TAGLN2: variants seen among roughly 807,000 people sequenced by gnomAD.
TAGLN2 encodes the protein transgelin 2, also known as transgelin-2.
A neutral mutation model predicts 24.9 loss-of-function variants in TAGLN2; 14 were observed. The ratio of observed to expected loss-of-function variants is 0.56; its 90% confidence interval spans 0.37 to 0.88. The LOEUF (loss-of-function observed/expected upper bound fraction) is 0.88, where lower values mean the gene tolerates loss of function less well. Among genes scored for constraint, TAGLN2 ranks in the 40% least tolerant of loss-of-function variants. The pLI, the probability that TAGLN2 is intolerant of heterozygous loss-of-function variation, is 0.00. For missense variants in TAGLN2, 208 were observed against 258.9 expected (o/e 0.80, Z 1.35); for synonymous variants, 77 against 98.2 (o/e 0.78, Z 1.28).
chr1:159,923,296 G>T, intron 1 of TAGLN2: 1 of 952,036 alleles, frequency 1.1e-6, no homozygotes, highest in Non-Finnish European at 1.5e-6. Flanking sequence ...GGATGGACTG[G>T]CAGGGAGCAA....
At chr1:159,919,465 C>T (rs1571201573) in intron 3 of TAGLN2, 89 bp from the exon 4 acceptor site, 2 of 1,434,474 alleles carry the variant, frequency 1.4e-6, no homozygotes, top group East Asian at 2.3e-5. Context: ...GGCCTGGCTT[C>T]CTAATTATTT....
At chr1:159,923,326 G>T in intron 1 of TAGLN2, 2 of 1,281,882 alleles carry the variant, frequency 1.6e-6, no homozygotes, top group Non-Finnish European at 2.1e-6. Context: ...TAGCGCTACT[G>T]CAGCTGTGAG....
intron 3 of TAGLN2, 81 bp downstream of exon 3, chr1:159,919,580 G>A: frequency 1.3e-6 from 2 of 1,533,664 alleles, no homozygotes. Context: ...CCAGAAAACA[G>A]CCCCTTCTGC....
intron 2 of TAGLN2, 68 bp downstream of exon 2, chr1:159,920,262 A>G: frequency 6.2e-7 from 1 of 1,612,640 alleles, no homozygotes; most frequent in Non-Finnish European, 8.5e-7. Context: ...CAGGTTAAAC[A>G]ATCCCCAGTC....
intron 4 of TAGLN2, 140 bp downstream of exon 4, chr1:159,919,134 G>T: frequency 8.1e-7 from 1 of 1,238,456 alleles, no homozygotes; most frequent in Non-Finnish European, 1.2e-6. Context: ...AGGGTGTTGT[G>T]AGGATTAAGT....
chr1:159,923,549 G>A (rs1480767315), intron 1 of TAGLN2: 6 of 1,449,614 alleles, frequency 4.1e-6, no homozygotes, highest in Non-Finnish European at 5.6e-6. Flanking sequence ...CATCCACCGT[G>A]CAGATGGAAC....
intron 2 of TAGLN2, chr1:159,920,127 G>A: frequency 2.3e-6 from 2 of 870,404 alleles, no homozygotes; most frequent in Non-Finnish European, 1.9e-6. Context: ...TGCCTGGGAG[G>A]CACATTCACC....
Position 159,918,684 on chromosome 1 carries a change from C to A in TAGLN2, c.*116G>T. The A allele has an allele frequency of 6.9e-7, 1 of 1,452,766 alleles. No individual in the cohort carries two copies. Among genetic ancestry groups the A allele is most frequent in the Non-Finnish European group, 9.3e-7 (1 of 1,076,192 alleles). The allele number at this position is 1,452,766 out of a possible 1,614,324, so 90.0% of individuals were successfully genotyped here. ...TGACAGGACAGGCTGAACCCCCCAC[C>A]CTGACAGAAAGGAGCTTGAGAGCTC... On this transcript the variant is annotated 3_prime_UTR_variant, in exon 5 of 5. Coordinates refer to ENST00000368097, the MANE Select transcript of TAGLN2 (RefSeq NM_003564.3).
In TAGLN2 at chr1:159,918,857, G is replaced by A; in HGVS notation, c.543C>T (p.Asn181=). The A allele has an allele frequency of 6.2e-7, 1 of 1,614,250 alleles. No individual in the cohort carries two copies. The change falls in exon 5 of 5, where the codon AAC becomes AAT. Residue 181 remains asparagine (N), a synonymous_variant. Transcript: ENST00000368097. ...TCATGCCTGCCTGAGACGCCCCGCG[G>A]TTGGTGCCCATCTGTAACCCGATCA... The part of the protein sequence containing the change: ...KNVIGLQMGT[N]RGASQAGMTG...
At chr1:159,921,633 C>G (rs1471603399) in intron 1 of TAGLN2, among the ~76,000 whole-genome samples, 3 of 152,240 alleles carry the variant, frequency 2.0e-5, no homozygotes, top group Non-Finnish European at 4.4e-5. Context: ...GAAACTAATA[C>G]AGGAGCCCTG....
chr1:159,925,012 T>G (rs1019670378), intron 1 of TAGLN2: 8 of 152,226 alleles, frequency 5.3e-5, no homozygotes, highest in Non-Finnish European at 1.2e-4. Flanking sequence ...GGGCACGCAG[T>G]GCTCACACGT....
rs753625321 is a variant in TAGLN2 at position 159,919,349 on chromosome 1, G to A, written c.383C>T (p.Thr128Met). The change falls in exon 4 of 5, where the codon ACG becomes ATG. Residue 128 changes from threonine to methionine, a missense_variant. Transcript: ENST00000368097. ...TGCCAGCCCACCCAGATTCATCAGC[G>A]TCCGCTGCACACAGGCCATGTTCTT... ...EGKNMACVQR[T>M]LMNLGGLAVA... 7.4e-6 allele frequency: 12 copies of A among 1,614,068 alleles called. No individual in the cohort carries two copies. The highest frequency in any genetic ancestry group is 6.7e-5 in the African/African-American group (5 of 74,916).
Position 159,923,857 on chromosome 1 carries a change from G to C in TAGLN2, c.-29+1593C>G, listed in dbSNP as rs182280223. On this transcript the variant is annotated intron_variant, in intron 1 of 4. Coordinates refer to ENST00000368097, the MANE Select transcript of TAGLN2 (RefSeq NM_003564.3). ...GTTGGAGGCTGGGTGGGGGCTCCGG[G>C]CAGAAACACCCTGTCAACACAGACG... is the stretch of plus-strand genomic sequence containing the variant. The C allele has an allele frequency of 2.6e-4, 55 of 212,878 alleles. 1 individual carries two copies. Among genetic ancestry groups the C allele is most frequent in the African/African-American group, 1.2e-3 (53 of 43,700 alleles). The allele number at this position is 212,878 out of a possible 1,614,324, so 13.2% of individuals were successfully genotyped here.
At chr1:159,925,367 C>T (rs566835274) in intron 1 of TAGLN2, 83 bp downstream of exon 1, 1 of 152,422 alleles carries the variant, frequency 6.6e-6, no homozygotes, top group African/African-American at 2.4e-5. Context: ...CCCGAGCTCG[C>T]TGGAGCAAGT....
intron 4 of TAGLN2, 59 bp downstream of exon 4, chr1:159,919,215 C>T: frequency 6.6e-7 from 1 of 1,518,536 alleles, no homozygotes; most frequent in Non-Finnish European, 9.1e-7. Context: ...TTCCTAGGGA[C>T]AGGATTGGGC....
chr1:159,923,626 C>G (rs759098972), intron 1 of TAGLN2: 48 of 692,666 alleles, frequency 6.9e-5, no homozygotes, highest in Non-Finnish European at 1.0e-4. Flanking sequence ...AGTGAGGGCA[C>G]CAGCCCACAG....
In TAGLN2 at chr1:159,920,378, C is replaced by G. The variant is rs767926584; in HGVS notation, c.132G>C (p.Arg44=). The change falls in exon 2 of 5, where the codon CGG becomes CGC. Residue 44 remains arginine, a synonymous_variant. Transcript: ENST00000368097. ...ITTQCRKDVG[R]PQPGRENFQN... is the part of the protein sequence containing the mutation. Reference sequence around the variant, plus strand: ...GGAAGTTCTCGCGTCCAGGCTGGGGCCGGCCCACATCCTTTCGGCACTGGG... The same window carrying G: ...GGAAGTTCTCGCGTCCAGGCTGGGGGCGGCCCACATCCTTTCGGCACTGGG... 1 of 1,614,234 alleles carries G rather than the reference C, an allele frequency of 6.2e-7. No individual in the cohort carries two copies. The highest frequency in any genetic ancestry group is 8.5e-7 in the Non-Finnish European group (1 of 1,180,054).
intron 2 of TAGLN2, 110 bp from the exon 3 acceptor site, chr1:159,919,945 C>T (rs1367463923): frequency 8.0e-7 from 1 of 1,249,534 alleles, no homozygotes; most frequent in Non-Finnish European, 1.1e-6. Flanking sequence ...TCCTGTCTTG[C>T]CTGAAGACAG....
chr1:159,920,171 A>T lies in TAGLN2; in HGVS notation c.180+159T>A, dbSNP rs1425030158. On this transcript the variant is annotated intron_variant, in intron 2 of 4. Transcript: ENST00000368097. Reference sequence around the variant, plus strand: ...CCACTCCACGGGAAGGGAGGAAAGCATGGGCCCTCTCACATCCTTGACAAA... The same window carrying T: ...CCACTCCACGGGAAGGGAGGAAAGCTTGGGCCCTCTCACATCCTTGACAAA... The T allele has an allele frequency of 4.2e-6, 5 of 1,202,762 alleles. No homozygotes were observed. In the South Asian group the frequency reaches 5.0e-5, roughly 12 times the overall value. The allele number at this position is 1,202,762 out of a possible 1,614,324, so 74.5% of individuals were successfully genotyped here.
Sources: allele counts gnomAD v4.1 joint callset (sites outside exome capture counted in the v4.1 genomes callset), GRCh38; gene constraint gnomAD v4.1.1; transcripts MANE v1.5; gene names NCBI Gene and HGNC (gene_info 2026-07-23, HGNC 2026-07-21).